The following RAP1GAP2 variants were observed in gnomAD, a reference collection of about 807,000 sequenced individuals.
RAP1GAP2 encodes the protein RAP1 GTPase activating protein 2.
In RAP1GAP2, 27 loss-of-function variants were observed where a neutral mutation model predicts 95.0. That is an observed-to-expected ratio of 0.28 (90% CI 0.21 to 0.39). The LOEUF is 0.39. RAP1GAP2 is among the 10% of genes least tolerant of loss of function. RAP1GAP2 has a pLI of 1.00. For synonymous variants in RAP1GAP2, 373 were observed against 380.9 expected (o/e 0.98, Z 0.24); for missense variants, 771 against 970.0 (o/e 0.79, Z 2.72).
intron 2 of RAP1GAP2, among the ~76,000 whole-genome samples, chr17:2,824,617 G>A (rs1281542821): frequency 6.6e-6 from 1 of 150,780 alleles, no homozygotes; most frequent in Non-Finnish European, 1.5e-5. Context: ...GTGCATGCCT[G>A]TAATCCTAGC....
chr17:2,901,724 A>T (rs114572766), intron 2 of RAP1GAP2, among the ~76,000 whole-genome samples: 2,468 of 151,350 alleles, frequency 0.016, 30 homozygotes, highest in African/African-American at 0.04. Flanking sequence ...GCACCGCGTC[A>T]CTTAACTCTA....
intron 1 of RAP1GAP2, among the ~76,000 whole-genome samples, chr17:2,758,090 C>T (rs548103147): frequency 9.4e-5 from 14 of 148,390 alleles, no homozygotes; most frequent in African/African-American, 1.5e-4. Context: ...CGGATGGTGT[C>T]GATCTCCTGA....
At chr17:2,939,827 T>C (rs1413789881) in intron 3 of RAP1GAP2, among the ~76,000 whole-genome samples, 2 of 152,236 alleles carry the variant, frequency 1.3e-5, no homozygotes, top group African/African-American at 4.8e-5. Flanking sequence ...GGCACCTCCA[T>C]CAGCCCTGGG....
intron 2 of RAP1GAP2, among the ~76,000 whole-genome samples, chr17:2,845,638 G>A (rs1000093430): frequency 2.6e-5 from 4 of 151,892 alleles, no homozygotes; most frequent in South Asian, 2.1e-4. Flanking sequence ...TGAGGCGGGC[G>A]GATCATGAGG....
At chr17:2,941,614 C>T (rs2043500017) in intron 3 of RAP1GAP2, among the ~76,000 whole-genome samples, 1 of 150,224 alleles carries the variant, frequency 6.7e-6, no homozygotes, top group Admixed American at 6.6e-5. Flanking sequence ...GCGGACTTGC[C>T]AGGAGGATTG....
intron 2 of RAP1GAP2, chr17:2,853,937 C>G: frequency 1.0e-6 from 1 of 981,404 alleles, no homozygotes; most frequent in Non-Finnish European, 1.2e-6. Context: ...GCGGAGCGCG[C>G]GGAGCCGGGG....
chr17:2,992,406 C>T (rs923901486), intron 12 of RAP1GAP2, among the ~76,000 whole-genome samples: 15 of 152,044 alleles, frequency 9.9e-5, no homozygotes, highest in African/African-American at 1.9e-4. Flanking sequence ...ATGATCCGCC[C>T]GTCTGGGCCT....
chr17:2,783,011 C>T (rs1299977722), intron 1 of RAP1GAP2, among the ~76,000 whole-genome samples: 8 of 152,090 alleles, frequency 5.3e-5, no homozygotes, highest in Admixed American at 1.3e-4. Flanking sequence ...AGTAAGACTC[C>T]GTCTCAAAAC....
At chr17:2,759,271 T>C (rs565956726) in intron 1 of RAP1GAP2, among the ~76,000 whole-genome samples, 5 of 152,224 alleles carry the variant, frequency 3.3e-5, no homozygotes, top group Admixed American at 2.6e-4. Flanking sequence ...AAGATAGTGG[T>C]TGGATACTTT....
At chr17:2,898,780 C>A (rs983558421) in intron 2 of RAP1GAP2, among the ~76,000 whole-genome samples, 1 of 152,226 alleles carries the variant, frequency 6.6e-6, no homozygotes, top group African/African-American at 2.4e-5. Context: ...GTTTTTGCAG[C>A]GTACCAGGCA....
At chr17:3,016,506 A>C (rs7216894) in intron 17 of RAP1GAP2, among the ~76,000 whole-genome samples, 1 of 152,208 alleles carries the variant, frequency 6.6e-6, no homozygotes, top group Non-Finnish European at 1.5e-5. Context: ...TGATTAATCC[A>C]GAAGGAGCAC....
intron 2 of RAP1GAP2, among the ~76,000 whole-genome samples, chr17:2,817,432 G>A (rs1288943012): frequency 8.2e-6 from 1 of 122,272 alleles, no homozygotes; most frequent in African/African-American, 2.7e-5. Context: ...CACAGTGAAC[G>A]TAGGTGTATA....
intron 1 of RAP1GAP2, among the ~76,000 whole-genome samples, chr17:2,756,067 T>G (rs1252077849): frequency 6.6e-6 from 1 of 152,188 alleles, no homozygotes; most frequent in East Asian, 1.9e-4. Flanking sequence ...TTCCCTGCAC[T>G]TCACCTTTCA....
intron 2 of RAP1GAP2, among the ~76,000 whole-genome samples, chr17:2,860,360 T>G: frequency 6.6e-6 from 1 of 152,064 alleles, no homozygotes; most frequent in East Asian, 1.9e-4. Flanking sequence ...CACTATTCAC[T>G]TCACCAAAGG....
chr17:2,922,562 C>A (rs1010268335), intron 3 of RAP1GAP2, among the ~76,000 whole-genome samples: 2 of 152,132 alleles, frequency 1.3e-5, no homozygotes, highest in Admixed American at 1.3e-4. Context: ...AGTGCCACTG[C>A]AAGGGTGTGT....
At position 2,796,607 on chromosome 17, in the gene RAP1GAP2, A is replaced by C; in HGVS notation, c.44+36A>C. ...GGTGGGAGGGTGGGGGAATGATGGG[A>C]GAGAACTTAGAAGTGAAGTCTTGTT... On this transcript the variant is annotated intron_variant, in intron 1 of 24. Transcript: ENST00000254695. The surrounding 1 kb of genome is among the most constrained non-coding windows in gnomAD (Gnocchi z 4.7). The C allele has an allele frequency of 6.4e-7, 1 of 1,550,788 alleles. No homozygotes were observed. Among genetic ancestry groups the C allele is most frequent in the Non-Finnish European group, 8.7e-7 (1 of 1,145,806 alleles).
rs123059 is a variant in RAP1GAP2 at position 2,796,641 on chromosome 17, T to C, written c.44+70T>C. On this transcript the variant is annotated intron_variant, in intron 1 of 24. Transcript: ENST00000254695. This position sits in a 1 kb window ranked among gnomAD's most constrained non-coding sequence, Gnocchi z 4.7. Reference sequence around the variant, plus strand: ...AGAAGTGAAGTCTTGTTAAGTGCATTGGCGGCCGTGGGAACAGAGGGGCTC... The same window carrying C: ...AGAAGTGAAGTCTTGTTAAGTGCATCGGCGGCCGTGGGAACAGAGGGGCTC... The C allele has an allele frequency of 0.76, 1,152,692 of 1,524,464 alleles. 439,077 individuals are homozygous for C. The highest frequency in any genetic ancestry group is 0.77 in the Non-Finnish European group (866,260 of 1,122,538). The allele number at this position is 1,524,464 out of a possible 1,614,324, so 94.4% of individuals were successfully genotyped here.
At chr17:2,842,498 C>G (rs1285490456) in intron 2 of RAP1GAP2, among the ~76,000 whole-genome samples, 1 of 146,508 alleles carries the variant, frequency 6.8e-6, no homozygotes, top group Non-Finnish European at 1.5e-5. Flanking sequence ...CTACTGCACT[C>G]CAGCCTGGGT....
At chr17:2,924,732 TAAAA>T (rs2042897042) in intron 3 of RAP1GAP2, among the ~76,000 whole-genome samples, 1 of 152,230 alleles carries the variant, frequency 6.6e-6, no homozygotes, top group East Asian at 1.9e-4. Flanking sequence ...AACGTGATGT[TAAAA>T]AAGTCATTTC....
Sources: allele counts gnomAD v4.1 joint callset (sites outside exome capture counted in the v4.1 genomes callset), GRCh38; gene constraint gnomAD v4.1.1; non-coding constraint Gnocchi (gnomAD v3.1); transcripts MANE v1.5; gene names NCBI Gene and HGNC (gene_info 2026-07-23, HGNC 2026-07-21).